PPP3CC: variants seen among roughly 807,000 people sequenced by gnomAD.
PPP3CC encodes serine/threonine-protein phosphatase 2B catalytic subunit gamma isoform.
A neutral mutation model predicts 60.3 loss-of-function variants in PPP3CC; 35 were observed. The observed-to-expected ratio is 0.58, with a 90% confidence interval of 0.44 to 0.77. The LOEUF is 0.77. Ranked by LOEUF, PPP3CC falls within the 30% of genes least tolerant of loss-of-function variation. The pLI, the probability that PPP3CC is intolerant of heterozygous loss-of-function variation, is 0.00. For missense variants in PPP3CC, 570 were observed against 628.9 expected (o/e 0.91, Z 1.00); for synonymous variants, 206 against 224.3 (o/e 0.92, Z 0.73).
intron 3 of PPP3CC, among the ~76,000 whole-genome samples, chr8:22,493,281 C>G (rs914278351): frequency 7.9e-5 from 12 of 151,608 alleles, no homozygotes; most frequent in Non-Finnish European, 1.6e-4. Context: ...TCAGTTTTTG[C>G]TTATATACAA....
At chr8:22,496,237 G>A (rs1271426319) in intron 3 of PPP3CC, among the ~76,000 whole-genome samples, 1 of 151,572 alleles carries the variant, frequency 6.6e-6, no homozygotes, top group African/African-American at 2.4e-5. Context: ...AATTCCACTG[G>A]TATGTTTATC....
intron 1 of PPP3CC, among the ~76,000 whole-genome samples, chr8:22,459,453 T>TTGTGTGTG (rs1345685307): frequency 9.5e-6 from 1 of 104,908 alleles, no homozygotes; most frequent in African/African-American, 4.5e-5. Flanking sequence ...TATCACTTTG[T>TTGTGTGTG]TATGTGTGTG....
chr8:22,490,099 A>G (rs1838354866), intron 3 of PPP3CC, among the ~76,000 whole-genome samples: 1 of 152,040 alleles, frequency 6.6e-6, no homozygotes, highest in African/African-American at 2.4e-5. Context: ...CTGGGATTAT[A>G]GGCGTGAGCT....
chr8:22,448,474 G>A (rs146721879), intron 1 of PPP3CC, among the ~76,000 whole-genome samples: 2,960 of 151,530 alleles, frequency 0.02, 90 homozygotes, highest in African/African-American at 0.068. Context: ...CTGCCTGCCG[G>A]GTTCAAGCGA....
chr8:22,450,927 C>T (rs569825407), intron 1 of PPP3CC, among the ~76,000 whole-genome samples: 13 of 151,050 alleles, frequency 8.6e-5, no homozygotes, highest in Non-Finnish European at 1.8e-4. Context: ...GCTCCGCCTC[C>T]GGATTCACGC....
At chr8:22,482,004 T>C (rs902491862) in intron 3 of PPP3CC, among the ~76,000 whole-genome samples, 29 of 152,202 alleles carry the variant, frequency 1.9e-4, no homozygotes, top group African/African-American at 6.8e-4. Flanking sequence ...TACGTGTGCA[T>C]GTGTCTTTAT....
chr8:22,477,617 T>G (rs191523553), intron 3 of PPP3CC, among the ~76,000 whole-genome samples: 182 of 152,278 alleles, frequency 1.2e-3, no homozygotes, highest in African/African-American at 4.3e-3. Flanking sequence ...AATTTCTAAT[T>G]AGGCATTTTA....
chr8:22,495,494 A>G (rs1838540976), intron 3 of PPP3CC, among the ~76,000 whole-genome samples: 1 of 152,106 alleles, frequency 6.6e-6, no homozygotes, highest in African/African-American at 2.4e-5. Context: ...GTCAAAAGTT[A>G]AATGAATGTG....
intron 1 of PPP3CC, among the ~76,000 whole-genome samples, chr8:22,472,778 C>T (rs1006364847): frequency 6.6e-6 from 1 of 152,168 alleles, no homozygotes; most frequent in Non-Finnish European, 1.5e-5. Context: ...CTCCCAAACC[C>T]TTCACTGTGA....
intron 1 of PPP3CC, among the ~76,000 whole-genome samples, chr8:22,442,652 CATT>C (rs1245861039): frequency 6.6e-6 from 1 of 152,178 alleles, no homozygotes; most frequent in African/African-American, 2.4e-5. Flanking sequence ...ATCTAACTGA[CATT>C]ATCCCCTGAA....
chr8:22,512,190 T>C (rs994948501), intron 5 of PPP3CC, among the ~76,000 whole-genome samples: 4 of 152,234 alleles, frequency 2.6e-5, no homozygotes, highest in Admixed American at 6.5e-5. Context: ...AATTTTTCTG[T>C]TTATAAAACT....
chr8:22,496,855 A>G (rs1479530548), intron 3 of PPP3CC, among the ~76,000 whole-genome samples: 1 of 151,886 alleles, frequency 6.6e-6, no homozygotes, highest in Non-Finnish European at 1.5e-5. Flanking sequence ...ATGTCTTTCC[A>G]TTATTTCATG....
At position 22,524,865 on chromosome 8, in the gene PPP3CC, C is replaced by T. The variant is rs181965519; in HGVS notation, c.943+2116C>T. On this transcript the variant is annotated intron_variant, in intron 8 of 13. Transcript: ENST00000240139. ...TTTAGCAAACTTTTAACATCACAGT[C>T]CTGGCCAGGCACAGTGGCTCATGCC... Among the ~76,000 whole-genome samples, 48 of 152,230 alleles carry T rather than the reference C, an allele frequency of 3.2e-4. No homozygotes were observed. In the East Asian group the frequency reaches 5.8e-3, roughly 18 times the overall value.
In PPP3CC at chr8:22,528,492, T is replaced by C. The variant is rs1311721296; in HGVS notation, c.1070-14T>C. On this transcript the variant is annotated splice_polypyrimidine_tract_variant and intron_variant, in intron 9 of 13. Transcript: ENST00000240139. The stretch of plus-strand genomic sequence containing the variant: ...ATTAATCGCGTAAATTTTGGATTAT[T>C]TTGTCTTACTTAGTCACAGAGATGC... 2.0e-6 allele frequency: 3 copies of C among 1,498,628 alleles called. No individual in the cohort carries two copies. Among genetic ancestry groups the C allele is most frequent in the African/African-American group, 1.4e-5 (1 of 72,464 alleles). 92.8% of individuals were successfully genotyped at this position (1,498,628 alleles called of 1,614,324 possible).
chr8:22,503,721 T>C (rs1416660003), intron 4 of PPP3CC, among the ~76,000 whole-genome samples: 1 of 152,168 alleles, frequency 6.6e-6, no homozygotes, highest in Non-Finnish European at 1.5e-5. Flanking sequence ...TTACCTTAGG[T>C]TTTTATTTGC....
intron 1 of PPP3CC, 114 bp downstream of exon 1, chr8:22,441,572 G>A: frequency 1.6e-6 from 2 of 1,218,892 alleles, no homozygotes; most frequent in Admixed American, 6.4e-5. Context: ...AGGAGGGCTC[G>A]GAGGGGTGTA....
intron 1 of PPP3CC, among the ~76,000 whole-genome samples, chr8:22,448,132 C>G (rs978084171): frequency 6.6e-6 from 1 of 152,148 alleles, no homozygotes; most frequent in Non-Finnish European, 1.5e-5. Flanking sequence ...GACAATCAGA[C>G]AAATCCAGTT....
At chr8:22,483,941 A>G (rs981687955) in intron 3 of PPP3CC, among the ~76,000 whole-genome samples, 1 of 152,086 alleles carries the variant, frequency 6.6e-6, no homozygotes, top group Non-Finnish European at 1.5e-5. Context: ...CCTGGGCTCA[A>G]GCAGTCCTCC....
chr8:22,453,244 A>C (rs1418021251), intron 1 of PPP3CC, among the ~76,000 whole-genome samples: 1 of 152,230 alleles, frequency 6.6e-6, no homozygotes, highest in Non-Finnish European at 1.5e-5. Context: ...TTAAAAAATA[A>C]ATCAATCTTG....
Sources: gnomAD v4.1 joint callset for allele counts (sites outside exome capture counted in the v4.1 genomes callset) on GRCh38, gnomAD v4.1.1 for gene constraint, MANE v1.5 for transcripts, NCBI Gene and HGNC (gene_info 2026-07-23, HGNC 2026-07-21) for gene names.